Variants in HCN1 observed in about 807,000 individuals in gnomAD.
HCN1 encodes the protein hyperpolarization activated cyclic nucleotide gated potassium channel 1, also known as potassium/sodium hyperpolarization-activated cyclic nucleotide-gated channel 1.
A neutral mutation model predicts 78.9 loss-of-function variants in HCN1; 13 were observed. That is an observed-to-expected ratio of 0.16 (90% confidence interval 0.11 to 0.26). The LOEUF (loss-of-function observed/expected upper bound fraction) is 0.26, where lower values mean the gene tolerates loss of function less well. Ranked by LOEUF, HCN1 falls within the 10% of genes least tolerant of loss-of-function variation. The probability of loss-of-function intolerance (pLI) is 1.00; values close to 1 mark genes in which losing one functional copy is unlikely to be tolerated. For synonymous variants in HCN1, 552 were observed against 455.5 expected (o/e 1.21, Z -2.70); for missense variants, 810 against 1,154.3 (o/e 0.70, Z 4.32).
intron 2 of HCN1, chr5:45,575,220 T>C (rs1467836152): frequency 6.6e-6 from 1 of 152,122 alleles, no homozygotes; most frequent in Non-Finnish European, 1.5e-5. Context: ...CAAAGAACAG[T>C]CTGACTCTCT....
chr5:45,262,500 G>C lies in HCN1; in HGVS notation c.2094C>G (p.Ser698=). ...PQPSAILSPC[S]YTTAVCSPPV... ...GAGGGCTGCAGACCGCGGTGGTGTA[G>C]GAGCAGGGTGACAGGATGGCTGATG... Residue 698 remains serine (S), a synonymous_variant, in exon 8 of 8, where the codon TCC becomes TCG. Coordinates refer to ENST00000303230, the MANE Select transcript of HCN1 (RefSeq NM_021072.4). The C allele has an allele frequency of 6.2e-7, 1 of 1,613,702 alleles. No individual in the cohort carries two copies. Among genetic ancestry groups the C allele is most frequent in the Non-Finnish European group, 8.5e-7 (1 of 1,179,956 alleles).
chr5:45,317,240 C>T (rs1271999287), intron 5 of HCN1, among the ~76,000 whole-genome samples: 1 of 152,030 alleles, frequency 6.6e-6, no homozygotes, highest in Non-Finnish European at 1.5e-5. Context: ...TGGAACAGAA[C>T]AGAGCCCTCA....
intron 3 of HCN1, among the ~76,000 whole-genome samples, chr5:45,418,820 A>G (rs1215621683): frequency 1.3e-5 from 2 of 152,138 alleles, no homozygotes; most frequent in African/African-American, 2.4e-5. Flanking sequence ...GAAAGTTCTA[A>G]TGCCTCTCTG....
chr5:45,411,672 G>A (rs1740027206), intron 3 of HCN1, among the ~76,000 whole-genome samples: 1 of 151,884 alleles, frequency 6.6e-6, no homozygotes, highest in African/African-American at 2.4e-5. Context: ...TAAGAAAAAG[G>A]CAAATGCAAT....
rs965352441 is a variant in HCN1, at chr5:45,260,629, A to G, written c.*1292T>C. 9 of 152,624 alleles carry G rather than the reference A, an allele frequency of 5.9e-5. No individual in the cohort carries two copies. Among genetic ancestry groups the G allele is most frequent in the Non-Finnish European group, 1.2e-4 (8 of 68,034 alleles). 9.5% of individuals were successfully genotyped at this position (152,624 alleles called of 1,614,324 possible). A position where few individuals can be genotyped will look rare whatever the true frequency, so the allele number is the denominator to read the frequency against. On this transcript the variant is annotated 3_prime_UTR_variant, in exon 8 of 8. Transcript: ENST00000303230. ...GATGCTGTATTGAATTTATTTCTTT[A>G]AATTAATACCATAGTAAATTACCAG...
intron 2 of HCN1, among the ~76,000 whole-genome samples, chr5:45,602,482 A>T (rs1182103294): frequency 2.2e-4 from 33 of 152,098 alleles, no homozygotes; most frequent in Admixed American, 2.0e-3. Context: ...TTGAACTTTT[A>T]GCCTCCAAAA....
At chr5:45,341,048 C>T (rs997176550) in intron 5 of HCN1, among the ~76,000 whole-genome samples, 1 of 152,268 alleles carries the variant, frequency 6.6e-6, no homozygotes, top group Non-Finnish European at 1.5e-5. Flanking sequence ...ATATATCCTT[C>T]ATTCTATCTT....
rs536432487 is a variant in HCN1, at chr5:45,434,243, C to A, written c.1011+27603G>T. On this transcript the variant is annotated intron_variant, in intron 3 of 7. Coordinates refer to ENST00000303230, the MANE Select transcript of HCN1 (RefSeq NM_021072.4). The stretch of plus-strand genomic sequence containing the variant: ...TTTACTGGGAAAGTGGTATAATATG[C>A]ATTTTTATAAACTTGTACAAGATGA... Among the ~76,000 whole-genome samples the A allele has an allele frequency of 2.0e-5, 3 of 152,234 alleles. No homozygotes were observed. The East Asian group carries it at 5.8e-4, about 29-fold the overall frequency.
chr5:45,577,918 A>G (rs1453206363), intron 2 of HCN1, among the ~76,000 whole-genome samples: 5 of 152,028 alleles, frequency 3.3e-5, no homozygotes, highest in Admixed American at 2.6e-4. Flanking sequence ...TTAACCAGAG[A>G]GTAGGGTGGT....
chr5:45,583,586 C>A (rs1324267077), intron 2 of HCN1, among the ~76,000 whole-genome samples: 1 of 152,100 alleles, frequency 6.6e-6, no homozygotes, highest in African/African-American at 2.4e-5. Flanking sequence ...CGTGCTTGCT[C>A]TTGCTTCTCT....
intron 3 of HCN1, among the ~76,000 whole-genome samples, chr5:45,454,111 T>C (rs979520930): frequency 6.6e-6 from 1 of 152,130 alleles, no homozygotes; most frequent in African/African-American, 2.4e-5. Context: ...ATATCCTGTA[T>C]CCCTCTCGAT....
At chr5:45,434,078 T>C (rs1740517442) in intron 3 of HCN1, among the ~76,000 whole-genome samples, 1 of 152,192 alleles carries the variant, frequency 6.6e-6, no homozygotes, top group African/African-American at 2.4e-5. Context: ...AAAGGTGTAT[T>C]CAGCACAGGT....
chr5:45,314,026 G>A (rs989675863), intron 5 of HCN1, among the ~76,000 whole-genome samples: 7 of 151,554 alleles, frequency 4.6e-5, no homozygotes, highest in African/African-American at 1.7e-4. Context: ...ATGCCACAAA[G>A]ATACGAGAAG....
chr5:45,271,517 C>A (rs1744960756), intron 6 of HCN1, among the ~76,000 whole-genome samples: 1 of 151,984 alleles, frequency 6.6e-6, no homozygotes, highest in Non-Finnish European at 1.5e-5. Flanking sequence ...GAATTAGACA[C>A]CCATTTATAT....
At chr5:45,523,744 T>C (rs1461852280) in intron 2 of HCN1, among the ~76,000 whole-genome samples, 2 of 152,228 alleles carry the variant, frequency 1.3e-5, no homozygotes, top group Non-Finnish European at 2.9e-5. Context: ...GAGTTCATTG[T>C]AGATCCTGGA....
At chr5:45,320,223 T>C (rs1201649582) in intron 5 of HCN1, among the ~76,000 whole-genome samples, 5 of 151,756 alleles carry the variant, frequency 3.3e-5, no homozygotes, top group Non-Finnish European at 5.9e-5. Flanking sequence ...TAGAAACAAA[T>C]AAATATATGG....
chr5:45,341,120 G>A (rs1746571210), intron 5 of HCN1, among the ~76,000 whole-genome samples: 1 of 152,040 alleles, frequency 6.6e-6, no homozygotes, highest in African/African-American at 2.4e-5. Flanking sequence ...ATGCTTCACA[G>A]AAACTTTATG....
intron 2 of HCN1, among the ~76,000 whole-genome samples, chr5:45,539,923 T>G (rs1348387598): frequency 2.1e-3 from 5 of 2,390 alleles, no homozygotes; most frequent in African/African-American, 2.3e-3. Context: ...TTGTGAGATA[T>G]ATATATATAT....
chr5:45,626,268 A>G (rs1053813835), intron 2 of HCN1, among the ~76,000 whole-genome samples: 1 of 152,192 alleles, frequency 6.6e-6, no homozygotes, highest in Non-Finnish European at 1.5e-5. Context: ...TCTTTGTTGA[A>G]AATAATTATA....
Sources: gnomAD v4.1 joint callset for allele counts (sites outside exome capture counted in the v4.1 genomes callset) on GRCh38, gnomAD v4.1.1 for gene constraint, MANE v1.5 for transcripts, NCBI Gene and HGNC (gene_info 2026-07-23, HGNC 2026-07-21) for gene names.